OR7E24: variants seen among roughly 807,000 people sequenced by gnomAD.
OR7E24 encodes the protein olfactory receptor 7E24.
For synonymous variants in OR7E24, 130 were observed against 157.5 expected, an observed-to-expected ratio of 0.83 and a Z score of 1.31; for missense variants, 385 against 410.3, an observed-to-expected ratio of 0.94 and a Z score of 0.53.
chr19:9,250,021 C>T (rs148011723), upstream of OR7E24, among the ~76,000 whole-genome samples: 812 of 152,150 alleles, frequency 5.3e-3, 9 homozygotes, highest in African/African-American at 0.019. Context: ...TCCACAGGTA[C>T]GTTGCACACT....
At chr19:9,236,062 AG>A in the OR7E24 span, 1 of 1,563,086 alleles carries the variant, frequency 6.4e-7, no homozygotes, top group Non-Finnish European at 8.8e-7. Flanking sequence ...ACTCCTTAGC[AG>A]GGCAGCCTCT....
At chr19:9,222,238 A>C in the OR7E24 span, among the ~76,000 whole-genome samples, 1 of 152,204 alleles carries the variant, frequency 6.6e-6, no homozygotes, top group African/African-American at 2.4e-5. Flanking sequence ...AAATAGTTTT[A>C]AATCAGGTAG....
Position 9,251,484 on chromosome 19 carries a change from C to T in OR7E24, c.441C>T (p.Pro147=), listed in dbSNP as rs750895266. 6.5e-5 allele frequency: 105 copies of T among 1,613,982 alleles called. No individual in the cohort carries two copies. The highest frequency in any genetic ancestry group is 8.5e-5 in the Non-Finnish European group (100 of 1,180,018). The change falls in exon 1 of 1, where the codon CCC becomes CCT. Residue 147 remains proline (P), a synonymous_variant. Transcript: ENST00000456448. ...ACCGGTTTGTGGCCATCTGTCACCC[C>T]CTGCACTACCGAATCATCATGAACC... is the stretch of plus-strand genomic sequence containing the variant. ...AYDRFVAICH[P]LHYRIIMNPR...
chr19:9,244,657 C>A (rs1188163050), upstream of OR7E24, among the ~76,000 whole-genome samples: 2 of 152,146 alleles, frequency 1.3e-5, no homozygotes, highest in Non-Finnish European at 2.9e-5. Context: ...TTGATCAATA[C>A]CTTCATGACA....
Position 9,251,999 on chromosome 19 carries a change from T to A in OR7E24, c.956T>A (p.Leu319Gln). The A allele has an allele frequency of 3.7e-6, 6 of 1,614,192 alleles. No individual in the cohort carries two copies. Among genetic ancestry groups the A allele is most frequent in the Non-Finnish European group, 5.1e-6 (6 of 1,180,026 alleles). ...AGGAACAAGGACATTCAAAGTGCCCTGTGCAGGCTGCATGGCAGAATCATC... is the reference window on the plus strand; with the variant it reads ...AGGAACAAGGACATTCAAAGTGCCCAGTGCAGGCTGCATGGCAGAATCATC... ...SLRNKDIQSALCRLHGRIIKS... is the reference protein window; with the variant it reads ...SLRNKDIQSAQCRLHGRIIKS... The change falls in exon 1 of 1, where the codon CTG becomes CAG. Residue 319 changes from leucine (L) to glutamine (Q), a missense_variant. Coordinates refer to ENST00000456448, the MANE Select transcript of OR7E24 (RefSeq NM_001079935.2).
At chr19:9,229,681 A>G in the OR7E24 span, among the ~76,000 whole-genome samples, 1 of 152,164 alleles carries the variant, frequency 6.6e-6, no homozygotes, top group African/African-American at 2.4e-5. Flanking sequence ...TTGCCTGAAC[A>G]TTTTCCATTC....
chr19:9,223,181 A>C, the OR7E24 span, among the ~76,000 whole-genome samples: 1 of 152,186 alleles, frequency 6.6e-6, no homozygotes, highest in Non-Finnish European at 1.5e-5. Flanking sequence ...CCATGTGGTC[A>C]ACCTGCTCCC....
the OR7E24 span, chr19:9,209,038 T>C: frequency 6.6e-6 from 1 of 152,354 alleles, no homozygotes; most frequent in South Asian, 2.1e-4. Context: ...CCACTGGTAA[T>C]GCTTTGTTGT....
chr19:9,213,596 G>A, the OR7E24 span: 2 of 309,344 alleles, frequency 6.5e-6, no homozygotes, highest in Non-Finnish European at 1.2e-5. Context: ...AAATTAGCTG[G>A]CTGTGGTGGC....
the OR7E24 span, chr19:9,214,608 G>A: frequency 6.2e-7 from 1 of 1,614,098 alleles, no homozygotes; most frequent in Non-Finnish European, 8.5e-7. Context: ...CTTGGGGACT[G>A]TGGTGGAGAT....
At chr19:9,224,223 T>C in the OR7E24 span, among the ~76,000 whole-genome samples, 2 of 152,052 alleles carry the variant, frequency 1.3e-5, no homozygotes, top group African/African-American at 2.4e-5. Flanking sequence ...AGATGTGCCA[T>C]TTCCACCATG....
At chr19:9,232,021 G>T in the OR7E24 span, among the ~76,000 whole-genome samples, 1 of 152,262 alleles carries the variant, frequency 6.6e-6, no homozygotes, top group African/African-American at 2.4e-5. Context: ...GGGTAAGAGA[G>T]TCCTTGGCAA....
the OR7E24 span, among the ~76,000 whole-genome samples, chr19:9,232,538 CAAAA>C: frequency 0.032 from 2,001 of 62,552 alleles, 51 homozygotes; most frequent in African/African-American, 0.097. Flanking sequence ...AACTCCGTCG[CAAAA>C]AAAAAAAAAA....
upstream of OR7E24, among the ~76,000 whole-genome samples, chr19:9,248,814 T>C (rs1206714371): frequency 6.6e-6 from 1 of 152,234 alleles, no homozygotes; most frequent in East Asian, 1.9e-4. Flanking sequence ...GCACCTGTGC[T>C]TAAGACCTCT....
the OR7E24 span, among the ~76,000 whole-genome samples, chr19:9,229,302 G>T: frequency 6.6e-6 from 1 of 152,034 alleles, no homozygotes; most frequent in Non-Finnish European, 1.5e-5. Context: ...GGCTGAGGCG[G>T]GTGGATCACC....
chr19:9,224,009 C>T, the OR7E24 span, among the ~76,000 whole-genome samples: 2 of 152,024 alleles, frequency 1.3e-5, no homozygotes, highest in African/African-American at 4.8e-5. Flanking sequence ...TGCCACCACA[C>T]CCAGCTAATT....
upstream of OR7E24, among the ~76,000 whole-genome samples, chr19:9,243,299 G>C (rs952057190): frequency 2.0e-5 from 3 of 151,886 alleles, no homozygotes; most frequent in Admixed American, 1.3e-4. Flanking sequence ...CCAATGCATG[G>C]TGGCAGAAAG....
the OR7E24 span, among the ~76,000 whole-genome samples, chr19:9,227,579 C>T: frequency 2.6e-5 from 4 of 152,054 alleles, no homozygotes; most frequent in African/African-American, 7.2e-5. Context: ...ATATGTACCA[C>T]ATTTTCTTTA....
chr19:9,248,466 C>G (rs985352912), upstream of OR7E24, among the ~76,000 whole-genome samples: 3 of 152,134 alleles, frequency 2.0e-5, no homozygotes, highest in African/African-American at 7.2e-5. Flanking sequence ...AGCATTTGGC[C>G]AGGCCTCTCT....
Sources: gnomAD v4.1 joint callset for allele counts (sites outside exome capture counted in the v4.1 genomes callset) on GRCh38, gnomAD v4.1.1 for gene constraint, MANE v1.5 for transcripts, NCBI Gene and HGNC (gene_info 2026-07-23, HGNC 2026-07-21) for gene names.